TRPC1: variants seen among roughly 807,000 people sequenced by gnomAD.
TRPC1 encodes the protein short transient receptor potential channel 1.
Under a neutral mutation model 88.2 loss-of-function variants are expected in TRPC1, and 42 were observed. That is an observed-to-expected ratio of 0.48 (90% confidence interval 0.37 to 0.62). The LOEUF (loss-of-function observed/expected upper bound fraction) is 0.62. Among genes scored for constraint, TRPC1 ranks in the 20% least tolerant of loss-of-function variants. The pLI is 0.00. For missense variants in TRPC1, 699 were observed against 957.3 expected, an observed-to-expected ratio of 0.73 and a Z score of 3.56; for synonymous variants, 288 against 331.8, an observed-to-expected ratio of 0.87 and a Z score of 1.43.
intron 4 of TRPC1, among the ~76,000 whole-genome samples, chr3:142,765,324 T>C (rs1935343831): frequency 6.6e-6 from 1 of 152,116 alleles, no homozygotes; most frequent in Admixed American, 6.6e-5. Flanking sequence ...AAAAACTATT[T>C]TAAAATTCAT....
At chr3:142,805,403 G>A (rs1311095261) in intron 12 of TRPC1, among the ~76,000 whole-genome samples, 1 of 151,934 alleles carries the variant, frequency 6.6e-6, no homozygotes, top group Non-Finnish European at 1.5e-5. Flanking sequence ...ACCAGGGGTT[G>A]GGACATTTTT....
chr3:142,754,032 C>T (rs778936786), intron 4 of TRPC1, among the ~76,000 whole-genome samples: 4 of 137,872 alleles, frequency 2.9e-5, no homozygotes, highest in Admixed American at 8.1e-5. Context: ...CTACAGTAAG[C>T]TGTGATTGCA....
intron 7 of TRPC1, among the ~76,000 whole-genome samples, chr3:142,788,744 C>T (rs1283918021): frequency 6.6e-6 from 1 of 152,058 alleles, no homozygotes; most frequent in African/African-American, 2.4e-5. Flanking sequence ...TTATTATTAA[C>T]ATTAATTCTA....
At chr3:142,788,410 G>C (rs1392230338) in intron 7 of TRPC1, among the ~76,000 whole-genome samples, 3 of 152,100 alleles carry the variant, frequency 2.0e-5, no homozygotes, top group Non-Finnish European at 4.4e-5. Flanking sequence ...GTGAAGGAAA[G>C]GGAGATTATT....
chr3:142,759,382 A>G (rs1311079913), intron 4 of TRPC1, among the ~76,000 whole-genome samples: 8 of 152,224 alleles, frequency 5.3e-5, no homozygotes, highest in Non-Finnish European at 7.4e-5. Context: ...CTGGTGTGAG[A>G]TGGTATCTTA....
At chr3:142,770,849 G>T (rs751969514) in intron 4 of TRPC1, among the ~76,000 whole-genome samples, 1 of 152,106 alleles carries the variant, frequency 6.6e-6, no homozygotes, top group Non-Finnish European at 1.5e-5. Context: ...AATACCTGAG[G>T]CTACATAGTT....
At chr3:142,744,782 A>G (rs1934483183) in intron 3 of TRPC1, among the ~76,000 whole-genome samples, 1 of 152,194 alleles carries the variant, frequency 6.6e-6, no homozygotes, top group Non-Finnish European at 1.5e-5. Context: ...TTTTGTAATT[A>G]GGAGGATAGT....
rs892926733 is a variant in TRPC1 at position 142,807,659 on chromosome 3, T to C, written c.*1424T>C. 2.0e-5 allele frequency: 3 copies of C among 152,244 alleles called. No homozygotes were observed. The highest frequency in any genetic ancestry group is 7.2e-5 in the African/African-American group (3 of 41,472). The allele number at this position is 152,244 out of a possible 1,614,324, so 9.4% of individuals were successfully genotyped here. ...GTGTTCCCTCTTTGGGGCAAATTCT[T>C]ATAAAAATGTTTATTGTAAAGTTAT... On this transcript the variant is annotated 3_prime_UTR_variant, in exon 13 of 13. Coordinates refer to ENST00000476941, the MANE Select transcript of TRPC1 (RefSeq NM_001251845.2).
chr3:142,774,652 A>G (rs915906087), intron 4 of TRPC1, among the ~76,000 whole-genome samples: 2 of 152,150 alleles, frequency 1.3e-5, no homozygotes, highest in African/African-American at 4.8e-5. Context: ...ACAATTCTCA[A>G]TAAACAGTTT....
In TRPC1 at chr3:142,786,516, A is replaced by G. The variant is rs538439804; in HGVS notation, c.1297+1476A>G. Reference sequence around the variant, plus strand: ...TAAACTCTAGGTTAAAGAGAATTAAATAATTCCTTCTTGTTAATATTTTTA... The same window carrying G: ...TAAACTCTAGGTTAAAGAGAATTAAGTAATTCCTTCTTGTTAATATTTTTA... On this transcript the variant is annotated intron_variant, in intron 7 of 12. Coordinates refer to ENST00000476941, the MANE Select transcript of TRPC1 (RefSeq NM_001251845.2). 5.9e-5 allele frequency among the ~76,000 whole-genome samples: 9 copies of G among 152,322 alleles called. 1 individual carries two copies. The South Asian group carries it at 1.7e-3, about 28-fold the overall frequency.
At chr3:142,743,362 A>T in intron 2 of TRPC1, 123 bp from the exon 3 acceptor site, 1 of 696,052 alleles carries the variant, frequency 1.4e-6, no homozygotes. Context: ...TTTTTGAAAA[A>T]TTTTGTATTA....
intron 1 of TRPC1, among the ~76,000 whole-genome samples, chr3:142,732,770 A>C (rs1206026477): frequency 6.6e-6 from 1 of 152,198 alleles, no homozygotes; most frequent in Non-Finnish European, 1.5e-5. Flanking sequence ...TCTATGTGTT[A>C]TATTTTAAAA....
intron 7 of TRPC1, among the ~76,000 whole-genome samples, chr3:142,786,061 C>T (rs1356229490): frequency 1.3e-5 from 2 of 152,050 alleles, no homozygotes; most frequent in East Asian, 1.9e-4. Flanking sequence ...TTCTGTGTGT[C>T]GGGGTGCGTG....
At chr3:142,779,042 T>C (rs987270503) in intron 5 of TRPC1, among the ~76,000 whole-genome samples, 3 of 152,220 alleles carry the variant, frequency 2.0e-5, no homozygotes, top group African/African-American at 4.8e-5. Context: ...AAACTTCCTA[T>C]TGTAACCTCA....
intron 2 of TRPC1, among the ~76,000 whole-genome samples, chr3:142,738,473 A>T (rs1934222076): frequency 6.6e-6 from 1 of 152,182 alleles, no homozygotes; most frequent in Non-Finnish European, 1.5e-5. Context: ...ATAATATTTG[A>T]CCATTTTATA....
intron 2 of TRPC1, among the ~76,000 whole-genome samples, chr3:142,736,736 T>C (rs1250337005): frequency 6.6e-6 from 1 of 152,140 alleles, no homozygotes; most frequent in Non-Finnish European, 1.5e-5. Context: ...CAAAAAAAAC[T>C]TTTTGAAAAG....
intron 4 of TRPC1, among the ~76,000 whole-genome samples, chr3:142,770,141 A>C (rs1331355239): frequency 2.5e-5 from 3 of 121,736 alleles, no homozygotes; most frequent in African/African-American, 9.8e-5. Context: ...TCTGTCACCC[A>C]GGCTGGAATG....
intron 7 of TRPC1, among the ~76,000 whole-genome samples, chr3:142,789,481 A>G (rs1936232855): frequency 6.6e-6 from 1 of 152,172 alleles, no homozygotes; most frequent in Non-Finnish European, 1.5e-5. Context: ...TTTCTGTATA[A>G]AATATGGGTA....
intron 2 of TRPC1, among the ~76,000 whole-genome samples, chr3:142,739,541 AGTTGG>A: frequency 6.6e-6 from 1 of 152,344 alleles, no homozygotes; most frequent in South Asian, 2.1e-4. Context: ...TGAACAAAAC[AGTTGG>A]GTTGGGGAGT....
Sources: gnomAD v4.1 joint callset for allele counts (sites outside exome capture counted in the v4.1 genomes callset) on GRCh38, gnomAD v4.1.1 for gene constraint, MANE v1.5 for transcripts, NCBI Gene and HGNC (gene_info 2026-07-23, HGNC 2026-07-21) for gene names.